Variants in KANK1 observed in about 807,000 individuals in gnomAD.
The protein encoded by KANK1 is KN motif and ankyrin repeat domain-containing protein 1.
KANK1 carries 109 observed loss-of-function variants against 106.2 expected under a neutral mutation model. The observed-to-expected ratio is 1.03, with a 90% CI of 0.88 to 1.20. The LOEUF (loss-of-function observed/expected upper bound fraction) is 1.20. KANK1 is among the 50% of genes most tolerant of loss of function. The pLI, the probability that KANK1 is intolerant of heterozygous loss-of-function variation, is 0.00. For synonymous variants in KANK1, 873 were observed against 652.2 expected (o/e 1.34, Z -5.16); for missense variants, 2,399 against 1,710.7 (o/e 1.40, Z -7.10).
At chr9:509,950 G>A (rs893754750) in intron 1 of KANK1, among the ~76,000 whole-genome samples, 1 of 151,618 alleles carries the variant, frequency 6.6e-6, no homozygotes, top group African/African-American at 2.4e-5. Flanking sequence ...ACAGGCATGT[G>A]CCACTGCACT....
chr9:516,584 A>G (rs2059286613), intron 1 of KANK1, among the ~76,000 whole-genome samples: 1 of 151,562 alleles, frequency 6.6e-6, no homozygotes, highest in African/African-American at 2.4e-5. Flanking sequence ...GTAGAGTGGG[A>G]TCTGAAAATT....
rs1046332327 is a variant in KANK1, at chr9:541,374, A to G, written c.-84+36620A>G. On this transcript the variant is annotated intron_variant, in intron 1 of 11. Coordinates refer to ENST00000382297, the MANE Select transcript of KANK1 (RefSeq NM_015158.5). ...GGTGTTGGAAAAACTGGGCATCCAC[A>G]TACAGAAAAATTAAACCCCTTTCTC... Among the ~76,000 whole-genome samples, 12 of 152,322 alleles carry G rather than the reference A, an allele frequency of 7.9e-5. No individual in the cohort carries two copies. The East Asian group carries it at 2.1e-3, about 27-fold the overall frequency.
chr9:718,240 G>T (rs1379179621), intron 3 of KANK1, among the ~76,000 whole-genome samples: 1 of 147,114 alleles, frequency 6.8e-6, no homozygotes, highest in Non-Finnish European at 1.5e-5. Flanking sequence ...GGTAGTGGAA[G>T]GCCTAGAAGT....
Position 711,172 on chromosome 9 carries a change from G to C in KANK1, c.406G>C (p.Glu136Gln). 5.0e-6 allele frequency: 8 copies of C among 1,614,056 alleles called. No homozygotes were observed. The highest frequency in any genetic ancestry group is 1.7e-5 in the Admixed American group (1 of 60,008). The change falls in exon 3 of 12, where the codon GAA (glutamate) becomes CAA (glutamine). Residue 136 changes from glutamate to glutamine, a missense_variant. Physicochemically the swap from Glu to Gln is conservative, Grantham distance 29. Coordinates refer to ENST00000382297, the MANE Select transcript of KANK1 (RefSeq NM_015158.5). ...CTCACTCCCTTTTCTTACCATCCCA[G>C]AAAATCGACAGCTGCCACCTCCCTC... is the stretch of plus-strand genomic sequence containing the variant. ...ETSLPFLTIP[E>Q]NRQLPPPSPQ...
intron 1 of KANK1, among the ~76,000 whole-genome samples, chr9:560,565 A>G (rs1005622661): frequency 2.6e-5 from 4 of 152,254 alleles, no homozygotes; most frequent in Admixed American, 2.0e-4. Flanking sequence ...ATGTTTTCAC[A>G]TAAAGATGCA....
At chr9:649,951 A>G (rs1280569916) in intron 1 of KANK1, among the ~76,000 whole-genome samples, 2 of 152,136 alleles carry the variant, frequency 1.3e-5, no homozygotes, top group African/African-American at 4.8e-5. Flanking sequence ...AGAGGATTGA[A>G]AGGTTCAAAA....
chr9:720,350 G>T (rs1243355816), intron 3 of KANK1, among the ~76,000 whole-genome samples: 1 of 152,102 alleles, frequency 6.6e-6, no homozygotes, highest in Non-Finnish European at 1.5e-5. Flanking sequence ...TGTTGCTGTC[G>T]TTTTGTTTTG....
intron 3 of KANK1, among the ~76,000 whole-genome samples, chr9:493,333 C>T (rs1047839332): frequency 1.3e-5 from 2 of 152,144 alleles, no homozygotes; most frequent in Non-Finnish European, 2.9e-5. Context: ...ATGTGAGTTG[C>T]TGAGCCTCCT....
At chr9:695,404 G>T (rs1313007217) in intron 2 of KANK1, among the ~76,000 whole-genome samples, 1 of 152,108 alleles carries the variant, frequency 6.6e-6, no homozygotes, top group Non-Finnish European at 1.5e-5. Context: ...TTTCCTTCCT[G>T]TGCTGGACTG....
chr9:744,496 C>T lies in KANK1; in HGVS notation c.3903C>T (p.Gly1301=). 26 of 1,612,878 alleles carry T rather than the reference C, an allele frequency of 1.6e-5. No individual in the cohort carries two copies. Among genetic ancestry groups the T allele is most frequent in the Non-Finnish European group, 2.2e-5 (26 of 1,179,190 alleles). The stretch of plus-strand genomic sequence containing the variant: ...TCTTTCCATCTTATCTTAAGGATGG[C>T]AGCACTGCGCTCTCAATCGCCCTGG... The part of the protein sequence containing the change: ...GCNGHLEDND[G]STALSIALEA... The change falls in exon 11 of 12, where the codon GGC becomes GGT. Residue 1301 remains glycine (G), a synonymous_variant. Transcript: ENST00000382297.
intron 1 of KANK1, among the ~76,000 whole-genome samples, chr9:626,435 G>GA (rs1834363161): frequency 6.6e-6 from 1 of 151,686 alleles, no homozygotes; most frequent in Non-Finnish European, 1.5e-5. Context: ...TCTCAAAAAG[G>GA]AAACAAAAAA....
intron 1 of KANK1, among the ~76,000 whole-genome samples, chr9:543,130 AT>A (rs1563742506): frequency 2.0e-5 from 3 of 152,200 alleles, no homozygotes; most frequent in Non-Finnish European, 4.4e-5. Flanking sequence ...AATATATACA[AT>A]TTTTATTTTT....
chr9:532,430 A>G (rs188852930), intron 1 of KANK1, among the ~76,000 whole-genome samples: 1 of 132,592 alleles, frequency 7.5e-6, no homozygotes, highest in Admixed American at 8.4e-5. Flanking sequence ...ATTGATGTTA[A>G]GTATGTTTAC....
chr9:597,171 A>T (rs978259301), intron 1 of KANK1, among the ~76,000 whole-genome samples: 1 of 151,882 alleles, frequency 6.6e-6, no homozygotes, highest in Non-Finnish European at 1.5e-5. Context: ...TCTTATGAAT[A>T]AGGCTGCTAT....
chr9:505,291 G>A (rs1410454810), intron 1 of KANK1, among the ~76,000 whole-genome samples: 3 of 152,266 alleles, frequency 2.0e-5, no homozygotes, highest in Admixed American at 2.0e-4. Context: ...GGGGCAGGTG[G>A]CCTCGGGTCG....
At chr9:744,932 C>G (rs2132415738) in intron 11 of KANK1, 1 of 1,433,148 alleles carries the variant, frequency 7.0e-7, no homozygotes, top group East Asian at 2.5e-5. Flanking sequence ...GGCAGGCAGC[C>G]TGTAGTCCAC....
chr9:619,079 T>A (rs1443025941), intron 1 of KANK1, among the ~76,000 whole-genome samples: 2 of 152,214 alleles, frequency 1.3e-5, no homozygotes, highest in Non-Finnish European at 2.9e-5. Flanking sequence ...AAAATGGCCA[T>A]AACTAAGTAC....
At chr9:690,569 G>A (rs1352616579) in intron 2 of KANK1, among the ~76,000 whole-genome samples, 1 of 152,064 alleles carries the variant, frequency 6.6e-6, no homozygotes, top group Admixed American at 6.6e-5. Context: ...AGTGGGTGGT[G>A]GGGAAAGATG....
intron 2 of KANK1, among the ~76,000 whole-genome samples, chr9:688,827 C>G (rs1230309346): frequency 6.6e-6 from 1 of 152,130 alleles, no homozygotes; most frequent in Non-Finnish European, 1.5e-5. Flanking sequence ...CCTTTTGTCT[C>G]AGGCTTATTC....
Sources: gnomAD v4.1 joint callset for allele counts (sites outside exome capture counted in the v4.1 genomes callset) on GRCh38, gnomAD v4.1.1 for gene constraint, MANE v1.5 for transcripts, NCBI Gene and HGNC (gene_info 2026-07-23, HGNC 2026-07-21) for gene names.